Variants in PTPRT observed in about 807,000 individuals in gnomAD.
PTPRT encodes protein tyrosine phosphatase receptor type T.
In PTPRT, 56 loss-of-function variants were observed where a neutral mutation model predicts 176.8. The ratio of observed to expected loss-of-function variants is 0.32; its 90% CI spans 0.26 to 0.40. PTPRT has a LOEUF of 0.40. PTPRT is among the 10% of genes least tolerant of loss of function. The pLI is 1.00. For missense variants in PTPRT, 1,540 were observed against 1,908.2 expected, an observed-to-expected ratio of 0.81 and a Z score of 3.60; for synonymous variants, 783 against 739.0, an observed-to-expected ratio of 1.06 and a Z score of -0.96.
intron 2 of PTPRT, among the ~76,000 whole-genome samples, chr20:42,867,849 T>C (rs1280185874): frequency 6.6e-6 from 1 of 151,994 alleles, no homozygotes; most frequent in Non-Finnish European, 1.5e-5. Flanking sequence ...ATCTGGCTAA[T>C]TTTTGTATTT....
intron 1 of PTPRT, among the ~76,000 whole-genome samples, chr20:43,020,968 C>T (rs1337962518): frequency 1.3e-5 from 2 of 152,124 alleles, no homozygotes; most frequent in Non-Finnish European, 2.9e-5. Flanking sequence ...TCCATTTCAA[C>T]CCAAGCCCTG....
intron 13 of PTPRT, among the ~76,000 whole-genome samples, chr20:42,252,886 T>C (rs1420571183): frequency 6.6e-6 from 1 of 152,226 alleles, no homozygotes; most frequent in Admixed American, 6.5e-5. Flanking sequence ...AGGAGGTTTT[T>C]AGAAAAATCC....
At chr20:42,036,080 T>C in the PTPRT span, among the ~76,000 whole-genome samples, 2 of 152,148 alleles carry the variant, frequency 1.3e-5, no homozygotes, top group Admixed American at 1.3e-4. Context: ...GCCTTCTGAG[T>C]GGTGGTGTTG....
intron 16 of PTPRT, among the ~76,000 whole-genome samples, chr20:42,197,601 G>T (rs1250337553): frequency 6.6e-6 from 1 of 151,804 alleles, no homozygotes; most frequent in African/African-American, 2.4e-5. Flanking sequence ...CTGAAGTAAG[G>T]TTATACTTTA....
chr20:42,431,813 C>T (rs2059217774), intron 9 of PTPRT, among the ~76,000 whole-genome samples: 1 of 152,166 alleles, frequency 6.6e-6, no homozygotes, highest in African/African-American at 2.4e-5. Context: ...CATGAAGACT[C>T]TCTAGATGAC....
chr20:42,247,178 T>C (rs2056466628), intron 14 of PTPRT, among the ~76,000 whole-genome samples: 1 of 152,178 alleles, frequency 6.6e-6, no homozygotes, highest in African/African-American at 2.4e-5. Flanking sequence ...GCCATTGTGC[T>C]GGGAGCTTGA....
intron 8 of PTPRT, among the ~76,000 whole-genome samples, chr20:42,454,762 T>A (rs1398340934): frequency 6.6e-6 from 1 of 152,234 alleles, no homozygotes; most frequent in East Asian, 1.9e-4. Flanking sequence ...GTACTCAAAT[T>A]GATCAGATTT....
intron 7 of PTPRT, among the ~76,000 whole-genome samples, chr20:42,482,684 G>A (rs151251935): frequency 6.8e-4 from 104 of 152,250 alleles, no homozygotes; most frequent in African/African-American, 2.5e-3. Context: ...CTGGAGGGTT[G>A]GGAAAGGCTT....
At chr20:42,912,710 G>A (rs983136847) in intron 1 of PTPRT, among the ~76,000 whole-genome samples, 1 of 152,268 alleles carries the variant, frequency 6.6e-6, no homozygotes, top group East Asian at 1.9e-4. Context: ...TTTAATGCAT[G>A]ACATAGTGTA....
At chr20:42,112,904 A>T (rs752436050) in intron 22 of PTPRT, among the ~76,000 whole-genome samples, 1 of 152,154 alleles carries the variant, frequency 6.6e-6, no homozygotes, top group Non-Finnish European at 1.5e-5. Context: ...GAATACTTGG[A>T]CTTTTTTCAC....
intron 1 of PTPRT, among the ~76,000 whole-genome samples, chr20:42,900,456 C>G (rs1568670008): frequency 6.6e-6 from 1 of 152,168 alleles, no homozygotes; most frequent in Non-Finnish European, 1.5e-5. Flanking sequence ...CTCTCTACCC[C>G]TTTCCAGCAC....
chr20:42,950,148 C>T (rs1446095218), intron 1 of PTPRT, among the ~76,000 whole-genome samples: 1 of 152,176 alleles, frequency 6.6e-6, no homozygotes, highest in Non-Finnish European at 1.5e-5. Flanking sequence ...AGTTAGCTAG[C>T]AAAGAAGAAA....
intron 1 of PTPRT, among the ~76,000 whole-genome samples, chr20:43,133,520 C>A (rs185194088): frequency 6.6e-6 from 1 of 151,872 alleles, no homozygotes; most frequent in Non-Finnish European, 1.5e-5. Context: ...CCGAGGCAGG[C>A]GGATCACGAG....
intron 7 of PTPRT, among the ~76,000 whole-genome samples, chr20:42,640,052 A>C (rs1275877453): frequency 6.6e-6 from 1 of 152,138 alleles, no homozygotes; most frequent in African/African-American, 2.4e-5. Context: ...TTGTCTACAC[A>C]GATGGAGTTC....
chr20:42,294,042 C>T (rs557550698), intron 12 of PTPRT, among the ~76,000 whole-genome samples: 1 of 152,208 alleles, frequency 6.6e-6, no homozygotes, highest in African/African-American at 2.4e-5. Context: ...ATGTCATAGG[C>T]CTGTTTGGTA....
intron 1 of PTPRT, among the ~76,000 whole-genome samples, chr20:42,975,847 A>G (rs1304867193): frequency 1.3e-5 from 2 of 152,096 alleles, no homozygotes; most frequent in Non-Finnish European, 2.9e-5. Flanking sequence ...TGTTCTGCAC[A>G]TGTATGCCCC....
Position 42,080,728 on chromosome 20 carries a change from G to GC in PTPRT, c.*150dup, listed in dbSNP as rs901742821. The GC allele has an allele frequency of 1.4e-4, 97 of 683,380 alleles. 1 individual carries two copies. The Admixed American group carries it at 1.8e-3, about 13-fold the overall frequency. 42.3% of individuals were successfully genotyped at this position (683,380 alleles called of 1,614,324 possible). ...CAGGAGACCCCTCAGAAGGTGCAGA[G>GC]CCCCCCGTGGAACACAGGGCCACCA... On this transcript the variant is annotated 3_prime_UTR_variant, in exon 31 of 31. Coordinates refer to ENST00000373187, the MANE Select transcript of PTPRT (RefSeq NM_007050.6).
chr20:42,665,493 TG>T (rs1324784930), intron 7 of PTPRT, among the ~76,000 whole-genome samples: 10 of 152,070 alleles, frequency 6.6e-5, no homozygotes, highest in Non-Finnish European at 1.5e-4. Flanking sequence ...ACACTGTTGG[TG>T]GGACTGTAAA....
the PTPRT span, among the ~76,000 whole-genome samples, chr20:42,046,594 G>A: frequency 6.6e-3 from 1,009 of 152,268 alleles, 11 homozygotes; most frequent in African/African-American, 0.023. Context: ...CTTACAGTGG[G>A]GACCAGTGAC....
Sources: gnomAD v4.1 joint callset for allele counts (sites outside exome capture counted in the v4.1 genomes callset) on GRCh38, gnomAD v4.1.1 for gene constraint, MANE v1.5 for transcripts, NCBI Gene and HGNC (gene_info 2026-07-23, HGNC 2026-07-21) for gene names.